PRODH2: variants seen among roughly 807,000 people sequenced by gnomAD.
PRODH2 encodes the protein proline dehydrogenase 2.
A neutral mutation model predicts 51.9 loss-of-function variants in PRODH2; 49 were observed. The ratio of observed to expected loss-of-function variants is 0.94; its 90% CI spans 0.75 to 1.20. PRODH2 has a LOEUF of 1.20. Among genes scored for constraint, PRODH2 ranks in the 50% most tolerant of loss-of-function variants. PRODH2 has a pLI of 0.00. For missense variants in PRODH2, 597 were observed against 610.9 expected (o/e 0.98, Z 0.24); for synonymous variants, 249 against 260.7 (o/e 0.96, Z 0.43).
intron 4 of PRODH2, among the ~76,000 whole-genome samples, chr19:35,810,291 A>T (rs929117237): frequency 7.1e-6 from 1 of 140,802 alleles, no homozygotes. Context: ...TAATAATAAT[A>T]AATAAATAGA....
chr19:35,803,115 C>T (rs568176217), intron 7 of PRODH2, 37 bp from the exon 8 acceptor site: 47 of 1,449,930 alleles, frequency 3.2e-5, no homozygotes, highest in Admixed American at 2.0e-4. Context: ...ACCTGGTGAG[C>T]GAGGGTCAGG....
chr19:35,803,946 CG>C (rs1415962789), intron 7 of PRODH2, among the ~76,000 whole-genome samples: 5 of 64,880 alleles, frequency 7.7e-5, no homozygotes, highest in Admixed American at 2.6e-4. Flanking sequence ...TCTTCCCTAT[CG>C]CCCCCCAGAC....
rs202131908 is a variant in PRODH2, at chr19:35,804,779, T to TA, written c.1001+1650dup. Among the ~76,000 whole-genome samples, 967 of 152,034 alleles carry TA rather than the reference T, an allele frequency of 6.4e-3. 5 individuals carry two copies. Among genetic ancestry groups the TA allele is most frequent in the Non-Finnish European group, 7.9e-3 (539 of 67,954 alleles). On this transcript the variant is annotated intron_variant, in intron 7 of 9. Transcript: ENST00000653904. ...TAGGGAGACCCCGTGTCTACAAAAA[T>TA]AAAAAAATGTGTTGGGTATGGTGGT... is the stretch of plus-strand genomic sequence containing the variant.
intron 9 of PRODH2, among the ~76,000 whole-genome samples, chr19:35,801,051 C>T (rs1000469301): frequency 3.3e-5 from 5 of 152,132 alleles, no homozygotes; most frequent in Admixed American, 6.5e-5. Context: ...CCTATAATCC[C>T]GGCTACTGGG....
intron 4 of PRODH2, among the ~76,000 whole-genome samples, chr19:35,807,620 A>C (rs573817300): frequency 9.2e-5 from 14 of 151,988 alleles, no homozygotes; most frequent in Non-Finnish European, 2.1e-4. Context: ...CTACTCTTTG[A>C]ACACGAGGGC....
Position 35,812,494 on chromosome 19 carries a change from G to A in PRODH2, c.237C>T (p.Ser79=), listed in dbSNP as rs777718987. The A allele has an allele frequency of 1.4e-5, 23 of 1,614,078 alleles. No individual in the cohort carries two copies. Among genetic ancestry groups the A allele is most frequent in the Middle Eastern group, 3.3e-4 (2 of 6,084 alleles). The change falls in exon 2 of 10, where the codon TCC becomes TCT. Residue 79 remains serine, a synonymous_variant. Transcript: ENST00000653904. ...SRLSGAFLRA[S]VYGQFVAGET... ...CACCAGCCACAAACTGCCCATAGAC[G>A]GATGCTCGGAGAAATGCGCCTGAGA...
At chr19:35,805,126 G>A (rs1202389538) in intron 7 of PRODH2, among the ~76,000 whole-genome samples, 1 of 152,028 alleles carries the variant, frequency 6.6e-6, no homozygotes, top group Non-Finnish European at 1.5e-5. Context: ...ACTTTTTGGG[G>A]TGATGAAAAT....
At chr19:35,802,848 A>C in intron 8 of PRODH2, 120 bp downstream of exon 8, 3 of 663,072 alleles carry the variant, frequency 4.5e-6, no homozygotes, top group African/African-American at 1.8e-5. Context: ...ATGCCTGGCT[A>C]TAAATATTTT....
chr19:35,804,055 G>A (rs755683573), intron 7 of PRODH2, among the ~76,000 whole-genome samples: 20 of 152,146 alleles, frequency 1.3e-4, no homozygotes, highest in Admixed American at 2.6e-4. Flanking sequence ...GTCTCACCTC[G>A]GCCCCTCCCT....
intron 4 of PRODH2, among the ~76,000 whole-genome samples, chr19:35,810,099 C>A (rs1335089250): frequency 1.3e-5 from 2 of 150,200 alleles, no homozygotes; most frequent in African/African-American, 4.9e-5. Flanking sequence ...GAAGCCTCAT[C>A]CCTACTAAAA....
intron 8 of PRODH2, among the ~76,000 whole-genome samples, chr19:35,802,721 GT>G (rs547786010): frequency 0.018 from 2,660 of 144,834 alleles, 27 homozygotes; most frequent in East Asian, 0.041. Flanking sequence ...ACACCCAGCT[GT>G]TTTTTTTTTT....
At chr19:35,804,561 G>T (rs995644572) in intron 7 of PRODH2, among the ~76,000 whole-genome samples, 1 of 152,212 alleles carries the variant, frequency 6.6e-6, no homozygotes, top group Non-Finnish European at 1.5e-5. Context: ...ACAGCTAGAG[G>T]TGGCCAGGCT....
chr19:35,806,471 C>CA lies in PRODH2; in HGVS notation c.959dup (p.Met320IlefsTer8), dbSNP rs756311691. 1 of 1,614,170 alleles carries CA rather than the reference C, an allele frequency of 6.2e-7. No homozygotes were observed. On this transcript the variant is annotated frameshift_variant, in exon 7 of 10. Coordinates refer to ENST00000653904, the MANE Select transcript of PRODH2 (RefSeq NM_021232.2). LOFTEE classifies it high-confidence loss of function. Reference sequence around the variant, plus strand: ...CATAGTCAGGCTGAGTGGGGTCTTCCATCCCATGGAGCTGGGCCACCGCTC... The same window carrying CA: ...CATAGTCAGGCTGAGTGGGGTCTTCCAATCCCATGGAGCTGGGCCACCGCTC...
At chr19:35,810,249 ACT>A (rs1972586971) in intron 4 of PRODH2, among the ~76,000 whole-genome samples, 1 of 144,670 alleles carries the variant, frequency 6.9e-6, no homozygotes, top group South Asian at 2.2e-4. Flanking sequence ...ACAGAGCAAG[ACT>A]CTGTCTTAAA....
At chr19:35,801,980 A>T in intron 9 of PRODH2, 1 of 575,170 alleles carries the variant, frequency 1.7e-6, no homozygotes, top group Non-Finnish European at 3.1e-6. Flanking sequence ...ATAACAAAAC[A>T]CACAAGAAAT....
At chr19:35,809,833 C>T (rs946653244) in intron 4 of PRODH2, among the ~76,000 whole-genome samples, 2 of 150,634 alleles carry the variant, frequency 1.3e-5, no homozygotes, top group African/African-American at 4.9e-5. Context: ...GTGGTGTGCG[C>T]CTGTAGCCCC....
Position 35,812,514 on chromosome 19 carries a change from C to T in PRODH2, c.217G>A (p.Gly73Ser), listed in dbSNP as rs762623598. 2 of 1,614,200 alleles carry T rather than the reference C, an allele frequency of 1.2e-6. No homozygotes were observed. Among genetic ancestry groups the T allele is most frequent in the Non-Finnish European group, 1.7e-6 (2 of 1,180,020 alleles). ...TAGACGGATGCTCGGAGAAATGCGC[C>T]TGAGAGCCGGGAGCCCAGGAGTCGC... Reference protein sequence around the residue: ...SRRLLGSRLSGAFLRASVYGQ... With the variant: ...SRRLLGSRLSSAFLRASVYGQ... Residue 73 changes from glycine (G) to serine (S), a missense_variant, in exon 2 of 10, where the codon GGC becomes AGC. Coordinates refer to ENST00000653904, the MANE Select transcript of PRODH2 (RefSeq NM_021232.2).
chr19:35,807,192 T>C, intron 4 of PRODH2, 71 bp from the exon 5 acceptor site: 2 of 1,354,488 alleles, frequency 1.5e-6, no homozygotes, highest in Non-Finnish European at 2.1e-6. Context: ...CAATATCAGT[T>C]AGGTACTATT....
At chr19:35,811,374 A>G (rs866786213) in intron 4 of PRODH2, among the ~76,000 whole-genome samples, 11 of 146,882 alleles carry the variant, frequency 7.5e-5, no homozygotes, top group Admixed American at 2.7e-4. Context: ...GCAATACAGT[A>G]AGACAAAGAG....
Sources: gnomAD v4.1 joint callset for allele counts (sites outside exome capture counted in the v4.1 genomes callset) on GRCh38, gnomAD v4.1.1 for gene constraint, MANE v1.5 for transcripts, NCBI Gene and HGNC (gene_info 2026-07-23, HGNC 2026-07-21) for gene names.